The following CHUK variants were observed in gnomAD, a reference collection of about 807,000 sequenced individuals.
CHUK encodes the protein inhibitor of nuclear factor kappa-B kinase subunit alpha.
CHUK carries 35 observed loss-of-function variants against 104.8 expected under a neutral mutation model. That is an observed-to-expected ratio of 0.33 (90% CI 0.26 to 0.44). The LOEUF is 0.44. Among genes scored for constraint, CHUK ranks in the 20% least tolerant of loss-of-function variants. The pLI is 1.00. For synonymous variants in CHUK, 276 were observed against 291.9 expected, an observed-to-expected ratio of 0.95 and a Z score of 0.56; for missense variants, 663 against 902.7, an observed-to-expected ratio of 0.73 and a Z score of 3.40.
At chr10:100,205,015 A>G in intron 12 of CHUK, 61 bp downstream of exon 12, 1 of 1,596,632 alleles carries the variant, frequency 6.3e-7, no homozygotes, top group Non-Finnish European at 8.6e-7. Context: ...AACCGGCAAG[A>G]TTAATTCTTG....
chr10:100,203,582 ATTTGTT>A (rs1845520084), intron 13 of CHUK, among the ~76,000 whole-genome samples: 1 of 152,100 alleles, frequency 6.6e-6, no homozygotes, highest in South Asian at 2.1e-4. Context: ...GGAAACAAGT[ATTTGTT>A]TCCTAAAAAG....
At chr10:100,219,588 C>G (rs937437541) in intron 5 of CHUK, among the ~76,000 whole-genome samples, 2 of 152,128 alleles carry the variant, frequency 1.3e-5, no homozygotes, top group African/African-American at 4.8e-5. Context: ...CCCTGCTTCA[C>G]AGAATTGTTA....
chr10:100,204,905 A>G (rs1248397452), intron 12 of CHUK, among the ~76,000 whole-genome samples, 171 bp downstream of exon 12: 1 of 152,224 alleles, frequency 6.6e-6, no homozygotes, highest in Non-Finnish European at 1.5e-5. Context: ...TTACAATAGA[A>G]TGGTCTCAGT....
intron 11 of CHUK, among the ~76,000 whole-genome samples, chr10:100,206,254 T>G (rs1172809813): frequency 7.2e-6 from 1 of 139,384 alleles, no homozygotes; most frequent in Non-Finnish European, 1.7e-5. Context: ...TTTTTTTACT[T>G]TTTAATATTT....
Position 100,189,268 on chromosome 10 carries a change from A to G in CHUK, c.*330T>C. The stretch of plus-strand genomic sequence containing the variant: ...AAGTTGACACTAATACATAGAAGGT[A>G]TTTTTAATCAGTTAAATAAGTAATG... On this transcript the variant is annotated 3_prime_UTR_variant, in exon 21 of 21. Coordinates refer to ENST00000370397, the MANE Select transcript of CHUK (RefSeq NM_001278.5). 3 of 256,316 alleles carry G rather than the reference A, an allele frequency of 1.2e-5. No homozygotes were observed. The South Asian group carries it at 2.3e-4, about 20-fold the overall frequency. 15.9% of individuals were successfully genotyped at this position (256,316 alleles called of 1,614,324 possible).
At chr10:100,212,082 C>T (rs1845742376) in intron 9 of CHUK, among the ~76,000 whole-genome samples, 1 of 152,080 alleles carries the variant, frequency 6.6e-6, no homozygotes, top group African/African-American at 2.4e-5. Flanking sequence ...GGGGTTTCTG[C>T]ATGTTGCCCA....
chr10:100,199,625 C>T (rs557966662), intron 16 of CHUK, among the ~76,000 whole-genome samples: 4 of 152,182 alleles, frequency 2.6e-5, no homozygotes, highest in Admixed American at 6.5e-5. Context: ...CCACAACTGG[C>T]CCAACCTCTC....
chr10:100,196,670 G>C (rs1267085798), intron 16 of CHUK, among the ~76,000 whole-genome samples: 1 of 152,160 alleles, frequency 6.6e-6, no homozygotes, highest in Non-Finnish European at 1.5e-5. Context: ...CAAAGCGCTA[G>C]TATCACAGGT....
intron 5 of CHUK, among the ~76,000 whole-genome samples, chr10:100,219,843 TAA>T (rs1350024157): frequency 8.5e-5 from 12 of 140,736 alleles, no homozygotes; most frequent in Admixed American, 1.4e-4. Context: ...GTCTTTGGAT[TAA>T]AAAAAAAAAA....
Position 100,229,512 on chromosome 10 carries a change from C to G in CHUK, c.21G>C (p.Leu7=), listed in dbSNP as rs1846188126. 1.9e-6 allele frequency: 3 copies of G among 1,558,704 alleles called. No homozygotes were observed. Among genetic ancestry groups the G allele is most frequent in the Admixed American group, 3.7e-5 (2 of 53,364 alleles). Residue 7 remains leucine (L), a synonymous_variant, in exon 1 of 21, where the codon CTG becomes CTC. Coordinates refer to ENST00000370397, the MANE Select transcript of CHUK (RefSeq NM_001278.5). MERPPG[L]RPGAGGPWEM... is the part of the protein sequence containing the mutation. ...CCCAGGGCCCGCCCGCGCCCGGCCG[C>G]AGCCCCGGGGGCCGCTCCATGGGGC...
At chr10:100,227,070 T>C (rs574402373) in intron 1 of CHUK, among the ~76,000 whole-genome samples, 23 of 152,322 alleles carry the variant, frequency 1.5e-4, no homozygotes, top group African/African-American at 5.5e-4. Flanking sequence ...TTTACCACCA[T>C]GGAAATGAGA....
chr10:100,201,768 G>C (rs769233317), intron 14 of CHUK, among the ~76,000 whole-genome samples: 9 of 152,276 alleles, frequency 5.9e-5, no homozygotes, highest in Non-Finnish European at 1.0e-4. Context: ...TGGGAGGACT[G>C]CTTGAGCCTG....
At chr10:100,207,191 T>C in intron 11 of CHUK, 39 bp downstream of exon 11, 2 of 916,504 alleles carry the variant, frequency 2.2e-6, no homozygotes, top group South Asian at 1.3e-5. Flanking sequence ...TTATATTAAT[T>C]CATGTTTAAA....
intron 9 of CHUK, among the ~76,000 whole-genome samples, chr10:100,213,404 T>C (rs1845779377): frequency 6.6e-6 from 1 of 151,736 alleles, no homozygotes; most frequent in Non-Finnish European, 1.5e-5. Flanking sequence ...GAGAATCACT[T>C]GAGTCTGGGA....
chr10:100,218,816 C>A lies in CHUK; in HGVS notation c.699G>T (p.Lys233Asn). The change falls in exon 8 of 21, where the codon AAG becomes AAT. Residue 233 changes from lysine to asparagine, a missense_variant. Lys to Asn is a moderately conservative substitution (Grantham distance 94). Transcript: ENST00000370397. ...HHLQPFTWHE[K>N]IKKKDPKCIF... ...TACACTTTGGATCCTTCTTCTTAAT[C>A]TTCTCATGCCTATAAAATCAAAAGC... The A allele has an allele frequency of 6.2e-7, 1 of 1,611,934 alleles. No homozygotes were observed. Among genetic ancestry groups the A allele is most frequent in the Non-Finnish European group, 8.5e-7 (1 of 1,178,126 alleles).
chr10:100,199,886 C>G, intron 16 of CHUK, 85 bp downstream of exon 16: 3 of 1,014,226 alleles, frequency 3.0e-6, no homozygotes, highest in East Asian at 2.4e-5. Flanking sequence ...AAATTTTTAA[C>G]TTAAAAATAT....
intron 16 of CHUK, chr10:100,195,446 C>A (rs953742560): frequency 3.3e-5 from 5 of 152,134 alleles, no homozygotes; most frequent in African/African-American, 1.2e-4. Context: ...CCAAATACTT[C>A]CCCCATAGCC....
At chr10:100,190,745 C>T in intron 20 of CHUK, 124 bp downstream of exon 20, 1 of 764,234 alleles carries the variant, frequency 1.3e-6, no homozygotes, top group South Asian at 1.4e-5. Flanking sequence ...CCCAAATGCT[C>T]TTTCCTCTTG....
At position 100,203,404 on chromosome 10, in the gene CHUK, A is replaced by T. The variant is rs143293181; in HGVS notation, c.1507+1102T>A. ...ATGTTTTATCACTCACCAGAATGTC[A>T]ATAATATACAAATAGAAATAAAATA... On this transcript the variant is annotated intron_variant, in intron 13 of 20. Coordinates refer to ENST00000370397, the MANE Select transcript of CHUK (RefSeq NM_001278.5). 7.2e-5 allele frequency among the ~76,000 whole-genome samples: 11 copies of T among 151,832 alleles called. No individual in the cohort carries two copies. The East Asian group carries it at 2.1e-3, about 29-fold the overall frequency.
Sources: gnomAD v4.1 joint callset for allele counts (sites outside exome capture counted in the v4.1 genomes callset) on GRCh38, gnomAD v4.1.1 for gene constraint, MANE v1.5 for transcripts, NCBI Gene and HGNC (gene_info 2026-07-23, HGNC 2026-07-21) for gene names.